Variants in PDE10A observed in about 807,000 individuals in gnomAD.
PDE10A encodes cAMP and cAMP-inhibited cGMP 3',5'-cyclic phosphodiesterase 10A.
Under a neutral mutation model 97.7 loss-of-function variants are expected in PDE10A, and 39 were observed. That is an observed-to-expected ratio of 0.40 (90% CI 0.31 to 0.52). The LOEUF is 0.52. Ranked by LOEUF, PDE10A falls within the 20% of genes least tolerant of loss-of-function variation. The pLI is 0.56. For synonymous variants in PDE10A, 371 were observed against 376.8 expected, an observed-to-expected ratio of 0.98 and a Z score of 0.18; for missense variants, 731 against 1,047.8, an observed-to-expected ratio of 0.70 and a Z score of 4.17.
intron 6 of PDE10A, among the ~76,000 whole-genome samples, chr6:165,434,900 T>A (rs1224344837): frequency 6.6e-6 from 1 of 152,332 alleles, no homozygotes; most frequent in Non-Finnish European, 1.5e-5. Context: ...TAGTTTGTCA[T>A]ACAGCAATAG....
At chr6:165,743,384 T>C (rs1359798861) in intron 1 of PDE10A, among the ~76,000 whole-genome samples, 1 of 152,234 alleles carries the variant, frequency 6.6e-6, no homozygotes, top group African/African-American at 2.4e-5. Context: ...ACAGTACTAA[T>C]AACTGAACTA....
intron 1 of PDE10A, among the ~76,000 whole-genome samples, chr6:165,590,985 A>G (rs544670010): frequency 7.2e-5 from 11 of 152,354 alleles, no homozygotes; most frequent in Non-Finnish European, 1.2e-4. Flanking sequence ...CTAACAAAGT[A>G]TTTAAATCAA....
At chr6:165,818,058 AG>A (rs1779469442) in intron 1 of PDE10A, among the ~76,000 whole-genome samples, 1 of 152,200 alleles carries the variant, frequency 6.6e-6, no homozygotes, top group African/African-American at 2.4e-5. Flanking sequence ...AGCTGAGCTG[AG>A]TCCCACTGTG....
chr6:165,650,194 A>G (rs901223580), intron 1 of PDE10A, among the ~76,000 whole-genome samples: 1 of 152,228 alleles, frequency 6.6e-6, no homozygotes, highest in Non-Finnish European at 1.5e-5. Context: ...CGTGAACAGC[A>G]AAGTAAGGCA....
intron 1 of PDE10A, among the ~76,000 whole-genome samples, chr6:165,637,862 C>G (rs972432288): frequency 6.6e-6 from 1 of 152,174 alleles, no homozygotes; most frequent in Admixed American, 6.5e-5. Context: ...CAAAATCTGG[C>G]TTGATTTTCC....
intron 4 of PDE10A, among the ~76,000 whole-genome samples, chr6:165,449,574 C>T (rs1562478257): frequency 6.6e-6 from 1 of 152,092 alleles, no homozygotes; most frequent in Non-Finnish European, 1.5e-5. Context: ...ATAGCTTCCT[C>T]ATCAGTAAAA....
At chr6:165,446,934 C>CTAATCCTTTTGAAAGGATTT (rs1162196132) in intron 5 of PDE10A, among the ~76,000 whole-genome samples, 2 of 151,926 alleles carry the variant, frequency 1.3e-5, no homozygotes, top group Non-Finnish European at 2.9e-5. Context: ...GATATTGTAC[C>CTAATCCTTTTGAAAGGATTT]AGTCCTTTAA....
chr6:165,364,160 T>C (rs1006227894), intron 18 of PDE10A, among the ~76,000 whole-genome samples: 7 of 152,220 alleles, frequency 4.6e-5, no homozygotes, highest in African/African-American at 1.7e-4. Flanking sequence ...AGACTGAATG[T>C]TTCTTTCCCC....
At position 165,376,692 on chromosome 6, in the gene PDE10A, A is replaced by G. The variant is rs183317822; in HGVS notation, c.2783+2502T>C. On this transcript the variant is annotated intron_variant, in intron 18 of 21. Coordinates refer to ENST00000539869, the MANE Select transcript of PDE10A (RefSeq NM_001385079.1). ...TTACTCAGGAGGCTGAGGTGGGAGGACTGCTTGAGGCCAGGAGTTTGAGAC... is the reference window on the plus strand; with the variant it reads ...TTACTCAGGAGGCTGAGGTGGGAGGGCTGCTTGAGGCCAGGAGTTTGAGAC... 2.8e-3 allele frequency among the ~76,000 whole-genome samples: 426 copies of G among 152,246 alleles called. 1 individual carries two copies. Among genetic ancestry groups the G allele is most frequent in the African/African-American group, 9.7e-3 (403 of 41,546 alleles).
chr6:165,917,124 A>G (rs982067723), intron 1 of PDE10A, among the ~76,000 whole-genome samples: 3 of 152,086 alleles, frequency 2.0e-5, no homozygotes, highest in Admixed American at 1.3e-4. Flanking sequence ...GGCAACAGGG[A>G]GCAGTGGTTG....
chr6:165,737,558 T>A (rs1034121019), intron 1 of PDE10A, among the ~76,000 whole-genome samples: 1 of 152,190 alleles, frequency 6.6e-6, no homozygotes, highest in African/African-American at 2.4e-5. Context: ...TATATGGTCA[T>A]CTCAGTAGAT....
chr6:165,756,329 A>C (rs935605060), intron 1 of PDE10A, among the ~76,000 whole-genome samples: 1 of 152,172 alleles, frequency 6.6e-6, no homozygotes, highest in Non-Finnish European at 1.5e-5. Flanking sequence ...CATTGTTCAA[A>C]AATTTTTTAA....
intron 2 of PDE10A, among the ~76,000 whole-genome samples, chr6:165,485,140 A>C (rs1356521713): frequency 6.6e-6 from 1 of 152,140 alleles, no homozygotes; most frequent in Non-Finnish European, 1.5e-5. Context: ...AAACCTTCAA[A>C]ACTGCATTAC....
intron 2 of PDE10A, among the ~76,000 whole-genome samples, chr6:165,516,465 G>A (rs1583448900): frequency 6.6e-6 from 1 of 152,064 alleles, no homozygotes; most frequent in East Asian, 1.9e-4. Context: ...TCCTGCCCCT[G>A]TTTTTATGGA....
intron 1 of PDE10A, among the ~76,000 whole-genome samples, chr6:165,927,678 A>ATATATATATATATT (rs1562801740): frequency 8.4e-6 from 1 of 118,518 alleles, no homozygotes; most frequent in Non-Finnish European, 1.7e-5. Flanking sequence ...ATATATATAT[A>ATATATATATATATT]GTTTTTTGTT....
At chr6:165,485,752 C>T (rs915817231) in intron 2 of PDE10A, among the ~76,000 whole-genome samples, 1 of 151,980 alleles carries the variant, frequency 6.6e-6, no homozygotes, top group African/African-American at 2.4e-5. Context: ...GCCACCATGC[C>T]TGACTAATTT....
At chr6:165,691,640 T>C (rs1311636308) in intron 1 of PDE10A, among the ~76,000 whole-genome samples, 1 of 151,976 alleles carries the variant, frequency 6.6e-6, no homozygotes, top group African/African-American at 2.4e-5. Context: ...CGGTTCTGTT[T>C]CTCTGGAGAG....
chr6:165,833,538 C>T (rs192602437), intron 1 of PDE10A, among the ~76,000 whole-genome samples: 48 of 152,352 alleles, frequency 3.2e-4, no homozygotes, highest in African/African-American at 1.1e-3. Context: ...TGTGCATGCC[C>T]CAGGGCGTAG....
At chr6:165,859,842 T>C (rs1034389447) in intron 1 of PDE10A, among the ~76,000 whole-genome samples, 2 of 152,172 alleles carry the variant, frequency 1.3e-5, no homozygotes, top group African/African-American at 2.4e-5. Flanking sequence ...ATATATATGA[T>C]GGAATACTAC....
Sources: gnomAD v4.1 joint callset for allele counts (sites outside exome capture counted in the v4.1 genomes callset) on GRCh38, gnomAD v4.1.1 for gene constraint, MANE v1.5 for transcripts, NCBI Gene and HGNC (gene_info 2026-07-23, HGNC 2026-07-21) for gene names.